The following CDH4 variants were observed in gnomAD, a reference collection of about 807,000 sequenced individuals.
CDH4 encodes cadherin-4.
A neutral mutation model predicts 86.0 loss-of-function variants in CDH4; 33 were observed. That is an observed-to-expected ratio of 0.38 (90% confidence interval 0.29 to 0.51). The LOEUF (loss-of-function observed/expected upper bound fraction) is 0.51, where lower values mean the gene tolerates loss of function less well. Ranked by LOEUF, CDH4 falls within the 20% of genes least tolerant of loss-of-function variation. The pLI is 0.86. For synonymous variants in CDH4, 555 were observed against 549.4 expected, an observed-to-expected ratio of 1.01 and a Z score of -0.14; for missense variants, 1,114 against 1,307.4, an observed-to-expected ratio of 0.85 and a Z score of 2.28.
chr20:61,742,844 T>G (rs1405033058), intron 2 of CDH4, among the ~76,000 whole-genome samples: 2 of 152,174 alleles, frequency 1.3e-5, no homozygotes, highest in African/African-American at 4.8e-5. Flanking sequence ...GTTAATGTTT[T>G]GGAAGCGAAG....
chr20:61,376,608 G>C (rs1464998630), intron 2 of CDH4, among the ~76,000 whole-genome samples: 1 of 152,180 alleles, frequency 6.6e-6, no homozygotes, highest in Non-Finnish European at 1.5e-5. Context: ...CATGGGGAAA[G>C]GCTAGTCTGG....
chr20:61,355,703 CTG>C (rs145858790), intron 2 of CDH4, among the ~76,000 whole-genome samples: 17 of 151,924 alleles, frequency 1.1e-4, no homozygotes, highest in South Asian at 4.2e-4. Context: ...ACATGCACAC[CTG>C]TGTGTGTGTG....
intron 2 of CDH4, among the ~76,000 whole-genome samples, chr20:61,305,018 G>A (rs36019163): frequency 0.028 from 4,269 of 151,798 alleles, 82 homozygotes; most frequent in Non-Finnish European, 0.034. Context: ...TGGGCATGCA[G>A]CATGTGTGTT....
intron 9 of CDH4, among the ~76,000 whole-genome samples, chr20:61,918,539 G>A (rs76047651): frequency 0.021 from 3,170 of 152,238 alleles, 108 homozygotes; most frequent in African/African-American, 0.072. Context: ...ATGAACCAAC[G>A]CAGTGAGAGG....
At chr20:61,746,121 C>T (rs1430094504) in intron 3 of CDH4, among the ~76,000 whole-genome samples, 2 of 152,136 alleles carry the variant, frequency 1.3e-5, no homozygotes, top group East Asian at 3.9e-4. Flanking sequence ...ACAGCAGTGG[C>T]CCCCAAATCG....
chr20:61,670,560 CA>C (rs1337752965), intron 2 of CDH4, among the ~76,000 whole-genome samples: 6 of 152,150 alleles, frequency 3.9e-5, no homozygotes, highest in Non-Finnish European at 1.5e-5. Flanking sequence ...GTACCATTGC[CA>C]AAAGAGGAGG....
chr20:61,336,589 C>G (rs2123274085), intron 2 of CDH4, among the ~76,000 whole-genome samples: 1 of 152,274 alleles, frequency 6.6e-6, no homozygotes, highest in Admixed American at 6.5e-5. Context: ...AGCCTGTGTG[C>G]AGAGCAGGTC....
intron 2 of CDH4, among the ~76,000 whole-genome samples, chr20:61,396,293 T>C (rs570112827): frequency 6.6e-4 from 100 of 152,192 alleles, no homozygotes; most frequent in African/African-American, 2.3e-3. Flanking sequence ...CCAGGGCCCT[T>C]GAAGACCGAG....
At chr20:61,758,645 G>A (rs1047963021) in intron 3 of CDH4, among the ~76,000 whole-genome samples, 7 of 152,146 alleles carry the variant, frequency 4.6e-5, no homozygotes, top group African/African-American at 7.2e-5. Flanking sequence ...AGGACTGCAC[G>A]TGGCACCGCG....
At chr20:61,371,647 C>A (rs2084841130) in intron 2 of CDH4, among the ~76,000 whole-genome samples, 1 of 152,186 alleles carries the variant, frequency 6.6e-6, no homozygotes, top group South Asian at 2.1e-4. Context: ...GAGCCCCTAC[C>A]AAGGCCTGTG....
intron 6 of CDH4, 94 bp from the exon 7 acceptor site, chr20:61,873,634 G>A (rs564009470): frequency 8.8e-6 from 12 of 1,362,102 alleles, no homozygotes; most frequent in African/African-American, 1.4e-5. Flanking sequence ...GACTCACGGA[G>A]AGCTCTGTGG....
chr20:61,355,578 A>G (rs1053877436), intron 2 of CDH4, among the ~76,000 whole-genome samples: 4 of 152,252 alleles, frequency 2.6e-5, no homozygotes, highest in Non-Finnish European at 5.9e-5. Flanking sequence ...ATTGAACACA[A>G]GCTCAGCCTG....
chr20:61,595,988 C>T (rs1366155310), intron 2 of CDH4, among the ~76,000 whole-genome samples: 2 of 152,244 alleles, frequency 1.3e-5, no homozygotes, highest in Non-Finnish European at 2.9e-5. Flanking sequence ...CTGCACATTG[C>T]CCCTTGGGCA....
intron 2 of CDH4, among the ~76,000 whole-genome samples, chr20:61,286,684 T>C (rs749034509): frequency 8.5e-5 from 13 of 152,166 alleles, no homozygotes; most frequent in Non-Finnish European, 1.5e-4. Context: ...AATAAAACAA[T>C]GAGAAGAGTT....
At chr20:61,930,091 C>T (rs1172502107) in intron 13 of CDH4, among the ~76,000 whole-genome samples, 4 of 152,234 alleles carry the variant, frequency 2.6e-5, no homozygotes, top group South Asian at 2.1e-4. Flanking sequence ...CCCCTTTCCA[C>T]GGCTCCACTC....
chr20:61,341,915 T>C (rs1417044304), intron 2 of CDH4, among the ~76,000 whole-genome samples: 1 of 152,192 alleles, frequency 6.6e-6, no homozygotes, highest in Non-Finnish European at 1.5e-5. Flanking sequence ...CGTCTCCTTT[T>C]CTTGCCCCCA....
chr20:61,445,865 G>A (rs1184401393), intron 2 of CDH4, among the ~76,000 whole-genome samples: 1 of 152,194 alleles, frequency 6.6e-6, no homozygotes, highest in African/African-American at 2.4e-5. Context: ...CAGCCCATCT[G>A]AGCTAGTCCT....
chr20:61,558,836 C>G (rs1002941551), intron 2 of CDH4, among the ~76,000 whole-genome samples: 1 of 152,238 alleles, frequency 6.6e-6, no homozygotes, highest in African/African-American at 2.4e-5. Context: ...GGTCTCACCT[C>G]CGGAGTGGCC....
At chr20:61,715,379 C>T (rs1028252747) in intron 2 of CDH4, among the ~76,000 whole-genome samples, 4 of 152,146 alleles carry the variant, frequency 2.6e-5, no homozygotes, top group South Asian at 2.1e-4. Flanking sequence ...ATTTGAGTGA[C>T]AGTTCTGGAG....
Sources: allele counts gnomAD v4.1 joint callset (sites outside exome capture counted in the v4.1 genomes callset), GRCh38; gene constraint gnomAD v4.1.1; transcripts MANE v1.5; gene names NCBI Gene and HGNC (gene_info 2026-07-23, HGNC 2026-07-21).